Variants in COL23A1 observed in about 807,000 individuals in gnomAD.
The protein encoded by COL23A1 is collagen alpha-1(XXIII) chain.
COL23A1 carries 97 observed loss-of-function variants against 99.3 expected under a neutral mutation model. That is an observed-to-expected ratio of 0.98 (90% CI 0.83 to 1.16). COL23A1 has a LOEUF of 1.16. COL23A1 is among the 50% of genes most tolerant of loss of function. The pLI, the probability that COL23A1 is intolerant of heterozygous loss-of-function variation, is 0.00. For missense variants in COL23A1, 762 were observed against 757.4 expected, an observed-to-expected ratio of 1.01 and a Z score of -0.07; for synonymous variants, 320 against 308.2, an observed-to-expected ratio of 1.04 and a Z score of -0.40.
chr5:178,456,623 G>A (rs1441038941), intron 2 of COL23A1, among the ~76,000 whole-genome samples: 2 of 152,252 alleles, frequency 1.3e-5, no homozygotes, highest in Admixed American at 6.5e-5. Flanking sequence ...GCTTGAACCC[G>A]GGAGGTGGAG....
At position 178,309,548 on chromosome 5, in the gene COL23A1, C is replaced by G. The variant is rs1758555367; in HGVS notation, c.362-2629G>C. Among the ~76,000 whole-genome samples the G allele has an allele frequency of 6.6e-6, 1 of 152,092 alleles. No homozygotes were observed. The highest frequency in any genetic ancestry group is 1.9e-4 in the East Asian group (1 of 5,188). On this transcript the variant is annotated intron_variant, in intron 2 of 28. Coordinates refer to ENST00000390654, the MANE Select transcript of COL23A1 (RefSeq NM_173465.4). This position sits in a 1 kb window ranked among gnomAD's most constrained non-coding sequence, Gnocchi z 4.7. ...ACCGACTTGCAGATGGACAAGCGGT[C>G]TACCCTTTATTCTGAGCTCTGTACC...
At chr5:178,311,582 G>A (rs1758682288) in intron 2 of COL23A1, among the ~76,000 whole-genome samples, 1 of 151,996 alleles carries the variant, frequency 6.6e-6, no homozygotes, top group South Asian at 2.1e-4. Flanking sequence ...GTGTGTGTCA[G>A]GGTCTCACTC....
chr5:178,338,379 C>G (rs1426234221), intron 2 of COL23A1, among the ~76,000 whole-genome samples: 1 of 152,232 alleles, frequency 6.6e-6, no homozygotes, highest in Admixed American at 6.5e-5. Context: ...CCAGGGACAG[C>G]AGGTGCTAAT....
chr5:178,426,649 G>A (rs771484318), intron 2 of COL23A1, among the ~76,000 whole-genome samples: 6 of 152,188 alleles, frequency 3.9e-5, no homozygotes, highest in Non-Finnish European at 8.8e-5. Flanking sequence ...TGCGGGATCC[G>A]AAGCAGCCAT....
chr5:178,356,346 G>A (rs985295765), intron 2 of COL23A1, among the ~76,000 whole-genome samples: 14 of 151,636 alleles, frequency 9.2e-5, no homozygotes, highest in East Asian at 7.8e-4. Flanking sequence ...TGGAGTCTGC[G>A]GTCTGTGAAC....
intron 2 of COL23A1, among the ~76,000 whole-genome samples, chr5:178,517,614 T>TC (rs1759611012): frequency 2.3e-5 from 3 of 132,556 alleles, no homozygotes; most frequent in Non-Finnish European, 4.6e-5. Flanking sequence ...CAGTCTGGAA[T>TC]GCAGTGGCAT....
At chr5:178,476,214 C>T (rs60059463) in intron 2 of COL23A1, among the ~76,000 whole-genome samples, 54,719 of 152,014 alleles carry the variant, frequency 0.36, 11,791 homozygotes, top group Admixed American at 0.49. Context: ...TAGGAAATGG[C>T]GCATACAGCA....
chr5:178,361,915 T>C (rs536113245), intron 2 of COL23A1, among the ~76,000 whole-genome samples: 1 of 152,220 alleles, frequency 6.6e-6, no homozygotes, highest in African/African-American at 2.4e-5. Context: ...TTTTCCACCA[T>C]CTCACTCTGG....
chr5:178,499,248 G>C (rs1056223668), intron 2 of COL23A1, among the ~76,000 whole-genome samples: 1 of 150,314 alleles, frequency 6.7e-6, no homozygotes, highest in African/African-American at 2.5e-5. Context: ...CTATGAAACC[G>C]GACATGGTGC....
chr5:178,564,612 T>G (rs1202595556), intron 1 of COL23A1, among the ~76,000 whole-genome samples: 1 of 152,166 alleles, frequency 6.6e-6, no homozygotes, highest in Non-Finnish European at 1.5e-5. Flanking sequence ...CCAGAGACTT[T>G]GGGCAAGTTC....
intron 1 of COL23A1, among the ~76,000 whole-genome samples, chr5:178,578,868 G>A (rs1763526539): frequency 6.6e-6 from 1 of 151,978 alleles, no homozygotes; most frequent in Non-Finnish European, 1.5e-5. Context: ...AAAGCAAATT[G>A]ATTAGGTATT....
intron 2 of COL23A1, among the ~76,000 whole-genome samples, chr5:178,369,373 T>C (rs1188416780): frequency 6.6e-6 from 1 of 152,218 alleles, no homozygotes; most frequent in Non-Finnish European, 1.5e-5. Flanking sequence ...GTTAAGGTGA[T>C]GGCCTTCTGG....
chr5:178,537,431 C>T (rs544255745), intron 2 of COL23A1, among the ~76,000 whole-genome samples: 21 of 152,298 alleles, frequency 1.4e-4, no homozygotes, highest in Non-Finnish European at 1.9e-4. Flanking sequence ...GAAGGGCAAG[C>T]GATATTTCCT....
intron 8 of COL23A1, among the ~76,000 whole-genome samples, chr5:178,266,623 C>T (rs1322456565): frequency 2.0e-5 from 3 of 152,170 alleles, no homozygotes; most frequent in East Asian, 1.9e-4. Flanking sequence ...CATGAGCGCC[C>T]TTTCTTTGAC....
intron 2 of COL23A1, among the ~76,000 whole-genome samples, chr5:178,404,562 T>C (rs1227017186): frequency 3.4e-5 from 2 of 58,498 alleles, no homozygotes; most frequent in South Asian, 1.9e-3. Flanking sequence ...TGATTCCTTA[T>C]GGTGAACCTG....
intron 2 of COL23A1, among the ~76,000 whole-genome samples, chr5:178,418,276 T>C (rs1357400364): frequency 6.6e-6 from 1 of 152,218 alleles, no homozygotes; most frequent in Admixed American, 6.5e-5. Context: ...TTGGCTCTTA[T>C]TATTACTACC....
At position 178,373,205 on chromosome 5, in the gene COL23A1, G is replaced by A. The variant is rs188434714; in HGVS notation, c.362-66286C>T. The stretch of plus-strand genomic sequence containing the variant: ...CTCACCAGCTGGCCTTGTGCCCTTG[G>A]ACCCCCACTGGGTTTGGTGCCTCTC... On this transcript the variant is annotated intron_variant, in intron 2 of 28. Coordinates refer to ENST00000390654, the MANE Select transcript of COL23A1 (RefSeq NM_173465.4). Among the ~76,000 whole-genome samples the A allele has an allele frequency of 9.5e-4, 145 of 152,236 alleles. 2 individuals are homozygous for A. Among genetic ancestry groups the A allele is most frequent in the African/African-American group, 3.4e-3 (140 of 41,552 alleles).
At chr5:178,262,134 T>C (rs1336503271) in intron 10 of COL23A1, 83 bp downstream of exon 10, 3 of 1,410,562 alleles carry the variant, frequency 2.1e-6, no homozygotes, top group South Asian at 2.5e-5. Context: ...GACCCTGCTG[T>C]CGGCGTGTGT....
rs374046467 is a variant in COL23A1, at chr5:178,290,423, G to GCCTGTCCTCAGCACGGTCCCCTCA, written c.407-78_407-55dup. 2,749 of 1,612,618 alleles carry GCCTGTCCTCAGCACGGTCCCCTCA rather than the reference G, an allele frequency of 1.7e-3. 55 individuals are homozygous for GCCTGTCCTCAGCACGGTCCCCTCA. The African/African-American group carries it at 0.031, about 18-fold the overall frequency. The stretch of plus-strand genomic sequence containing the variant: ...TCAGTGTGGAAGGCAGAGTCCCCTC[G>GCCTGTCCTCAGCACGGTCCCCTCA]CCTGTCCTCAGCACGGTCCCCTCAC... On this transcript the variant is annotated intron_variant, in intron 3 of 28. Coordinates refer to ENST00000390654, the MANE Select transcript of COL23A1 (RefSeq NM_173465.4).
Sources: gnomAD v4.1 joint callset for allele counts (sites outside exome capture counted in the v4.1 genomes callset) on GRCh38, gnomAD v4.1.1 for gene constraint, Gnocchi (gnomAD v3.1) non-coding constraint, MANE v1.5 for transcripts, NCBI Gene and HGNC (gene_info 2026-07-23, HGNC 2026-07-21) for gene names.